SPIRE1: variants seen among roughly 807,000 people sequenced by gnomAD.
SPIRE1 encodes spire type actin nucleation factor 1, also known as protein spire homolog 1.
Under a neutral mutation model 94.1 loss-of-function variants are expected in SPIRE1, and 40 were observed. The ratio of observed to expected loss-of-function variants is 0.43; its 90% CI spans 0.33 to 0.55. The LOEUF (loss-of-function observed/expected upper bound fraction) is 0.55, where lower values mean the gene tolerates loss of function less well. Ranked by LOEUF, SPIRE1 falls within the 20% of genes least tolerant of loss-of-function variation. The pLI, the probability that SPIRE1 is intolerant of heterozygous loss-of-function variation, is 0.06. For synonymous variants in SPIRE1, 376 were observed against 371.7 expected (o/e 1.01, Z -0.13); for missense variants, 838 against 975.2 (o/e 0.86, Z 1.87).
In SPIRE1 at chr18:12,452,716, G is replaced by A. The variant is rs956362491; in HGVS notation, c.1848-204C>T. ...AACTCTTACACTGTCTCCTATAAAAGGATCAACTTACATGTGTTTGGAATT... is the reference window on the plus strand; with the variant it reads ...AACTCTTACACTGTCTCCTATAAAAAGATCAACTTACATGTGTTTGGAATT... On this transcript the variant is annotated intron_variant, in intron 14 of 16. Coordinates refer to ENST00000409402, the MANE Select transcript of SPIRE1 (RefSeq NM_001128626.2). 8.0e-6 allele frequency: 5 copies of A among 628,186 alleles called. No homozygotes were observed. The East Asian group carries it at 8.2e-5, about 10-fold the overall frequency. The allele number at this position is 628,186 out of a possible 1,614,324, so 38.9% of individuals were successfully genotyped here.
intron 2 of SPIRE1, among the ~76,000 whole-genome samples, chr18:12,616,034 T>A (rs1156967208): frequency 1.3e-5 from 2 of 152,060 alleles, no homozygotes; most frequent in East Asian, 3.8e-4. Context: ...AACAAGCTCT[T>A]CGTTTTTTTT....
At position 12,461,434 on chromosome 18, in the gene SPIRE1, A is replaced by ATATACATACATGTG. The variant is rs1184666143; in HGVS notation, c.1638+1916_1638+1917insCACATGTATGTATA. ...CATGTATGTGTGTGTGTGTGTATGT[A>ATATACATACATGTG]TGTATATACATACATGTGTGTATGT... On this transcript the variant is annotated intron_variant, in intron 12 of 16. Coordinates refer to ENST00000409402, the MANE Select transcript of SPIRE1 (RefSeq NM_001128626.2). Among the ~76,000 whole-genome samples, 659 of 141,404 alleles carry ATATACATACATGTG rather than the reference A, an allele frequency of 4.7e-3. 8 individuals are homozygous for ATATACATACATGTG. The highest frequency in any genetic ancestry group is 0.014 in the Middle Eastern group (4 of 286). The allele number at this position is 141,404 out of a possible 152,430, so 92.8% of individuals were successfully genotyped here. A position where few individuals can be genotyped will look rare whatever the true frequency, so the allele number is the denominator to read the frequency against.
chr18:12,501,776 C>T lies in SPIRE1; in HGVS notation c.972+4701G>A, dbSNP rs528867774. Among the ~76,000 whole-genome samples, 31 of 152,226 alleles carry T rather than the reference C, an allele frequency of 2.0e-4. 1 individual carries two copies. Among genetic ancestry groups the T allele is most frequent in the Non-Finnish European group, 3.8e-4 (26 of 68,022 alleles). ...AGGAGTTCAAGACCAGCCTGGGCAA[C>T]ATAGCAAGAACCTGCCTCTACAAAA... is the stretch of plus-strand genomic sequence containing the variant. On this transcript the variant is annotated intron_variant, in intron 6 of 16. Coordinates refer to ENST00000409402, the MANE Select transcript of SPIRE1 (RefSeq NM_001128626.2).
chr18:12,614,229 C>G (rs1238960692), intron 2 of SPIRE1, among the ~76,000 whole-genome samples: 1 of 152,094 alleles, frequency 6.6e-6, no homozygotes, highest in Non-Finnish European at 1.5e-5. Flanking sequence ...CTATTGCACT[C>G]TAGCCTAGGC....
intron 2 of SPIRE1, among the ~76,000 whole-genome samples, chr18:12,589,464 T>C (rs564502840): frequency 1.3e-5 from 2 of 152,304 alleles, no homozygotes; most frequent in East Asian, 3.9e-4. Flanking sequence ...ATACTCTTTC[T>C]ATGACCTTTC....
intron 2 of SPIRE1, among the ~76,000 whole-genome samples, chr18:12,557,530 C>A (rs2035551980): frequency 6.6e-6 from 1 of 152,090 alleles, no homozygotes. Context: ...CCTCTCTCTC[C>A]ATACCTCCCT....
chr18:12,479,100 T>C (rs2032738871), intron 10 of SPIRE1, among the ~76,000 whole-genome samples: 1 of 152,074 alleles, frequency 6.6e-6, no homozygotes, highest in African/African-American at 2.4e-5. Flanking sequence ...CTGACTTGTT[T>C]TAACCCCACA....
At chr18:12,471,643 G>C (rs747204289) in intron 10 of SPIRE1, among the ~76,000 whole-genome samples, 11 of 151,992 alleles carry the variant, frequency 7.2e-5, no homozygotes, top group Non-Finnish European at 1.6e-4. Context: ...CTTTAATTCA[G>C]GCATTCTCAT....
chr18:12,625,612 T>G (rs28573711), intron 2 of SPIRE1, among the ~76,000 whole-genome samples: 3,253 of 152,346 alleles, frequency 0.021, 114 homozygotes, highest in African/African-American at 0.07. Flanking sequence ...CTCAGTCACA[T>G]AAAACAGCCT....
intron 2 of SPIRE1, among the ~76,000 whole-genome samples, chr18:12,585,899 ATT>A (rs1454684471): frequency 2.6e-5 from 4 of 152,172 alleles, no homozygotes; most frequent in African/African-American, 9.7e-5. Context: ...TTGTTTCTAT[ATT>A]GTGTGAATTT....
At chr18:12,473,632 A>C (rs1051788639) in intron 10 of SPIRE1, among the ~76,000 whole-genome samples, 2 of 152,232 alleles carry the variant, frequency 1.3e-5, no homozygotes, top group Admixed American at 6.5e-5. Context: ...AAAAGAATTA[A>C]GGAGTTTTTT....
rs2033841983 is a variant in SPIRE1, at chr18:12,506,570, C to T, written c.879G>A (p.Gln293=). Residue 293 remains glutamine (Q), a synonymous_variant, in exon 6 of 17, where the codon CAG becomes CAA. Coordinates refer to ENST00000409402, the MANE Select transcript of SPIRE1 (RefSeq NM_001128626.2). ...GATATTCAATGGGCAAAGGGTTGTA[C>T]TGCCGCTCTTGGACCTTCTTAAGTT... is the stretch of plus-strand genomic sequence containing the variant. ...GVKLKKVQER[Q]YNPLPIEYQL... 1.2e-6 allele frequency: 2 copies of T among 1,614,046 alleles called. No homozygotes were observed. The highest frequency in any genetic ancestry group is 1.7e-6 in the Non-Finnish European group (2 of 1,179,928).
intron 4 of SPIRE1, among the ~76,000 whole-genome samples, chr18:12,525,055 T>A (rs776553591): frequency 2.0e-5 from 3 of 151,198 alleles, no homozygotes; most frequent in Non-Finnish European, 4.4e-5. Context: ...GGCAGGCAGA[T>A]CATGAGGTCA....
intron 6 of SPIRE1, among the ~76,000 whole-genome samples, 200 bp from the exon 7 acceptor site, chr18:12,496,302 C>T (rs1270337914): frequency 1.3e-5 from 2 of 152,136 alleles, no homozygotes; most frequent in East Asian, 3.8e-4. Flanking sequence ...TCCAAGTTTA[C>T]TTTAATTCTA....
chr18:12,641,828 T>C (rs1369101331), intron 1 of SPIRE1, among the ~76,000 whole-genome samples: 1 of 150,160 alleles, frequency 6.7e-6, no homozygotes. Flanking sequence ...AAAAGAATGT[T>C]ATGCTTTTTT....
chr18:12,538,166 C>T (rs921509515), intron 3 of SPIRE1, among the ~76,000 whole-genome samples: 27 of 152,052 alleles, frequency 1.8e-4, no homozygotes, highest in Admixed American at 4.6e-4. Flanking sequence ...AAGTTCTTTT[C>T]CATTCTACTC....
At chr18:12,614,305 G>C (rs2037224133) in intron 2 of SPIRE1, among the ~76,000 whole-genome samples, 1 of 152,062 alleles carries the variant, frequency 6.6e-6, no homozygotes, top group Non-Finnish European at 1.5e-5. Flanking sequence ...TATATATAAT[G>C]AAAGTTGATT....
At chr18:12,565,761 C>T (rs918283389) in intron 2 of SPIRE1, among the ~76,000 whole-genome samples, 10 of 118,022 alleles carry the variant, frequency 8.5e-5, no homozygotes, top group African/African-American at 1.6e-4. Context: ...CTTGGCCGGG[C>T]GCGGTGGCTC....
chr18:12,543,687 A>G (rs1247104567), intron 3 of SPIRE1, among the ~76,000 whole-genome samples: 5 of 152,268 alleles, frequency 3.3e-5, no homozygotes, highest in African/African-American at 1.2e-4. Context: ...CCGGGACAAA[A>G]GTTACACATT....
Sources: gnomAD v4.1 joint callset for allele counts (sites outside exome capture counted in the v4.1 genomes callset) on GRCh38, gnomAD v4.1.1 for gene constraint, MANE v1.5 for transcripts, NCBI Gene and HGNC (gene_info 2026-07-23, HGNC 2026-07-21) for gene names.